The following DLG2 variants were observed in gnomAD, a reference collection of about 807,000 sequenced individuals.
DLG2 encodes disks large homolog 2.
DLG2 carries 45 observed loss-of-function variants against 132.5 expected under a neutral mutation model. That is an observed-to-expected ratio of 0.34 (90% CI 0.27 to 0.44). The LOEUF (loss-of-function observed/expected upper bound fraction) is 0.44, where lower values mean the gene tolerates loss of function less well. Among genes scored for constraint, DLG2 ranks in the 20% least tolerant of loss-of-function variants. The pLI is 1.00. For missense variants in DLG2, 1,045 were observed against 1,196.9 expected, an observed-to-expected ratio of 0.87 and a Z score of 1.87; for synonymous variants, 424 against 419.6, an observed-to-expected ratio of 1.01 and a Z score of -0.13.
intron 15 of DLG2, among the ~76,000 whole-genome samples, chr11:83,881,761 A>G (rs1012195578): frequency 1.3e-5 from 2 of 152,222 alleles, no homozygotes; most frequent in Non-Finnish European, 2.9e-5. Flanking sequence ...TGATTTGCAT[A>G]CTAACAAAGA....
chr11:83,808,716 T>C lies in DLG2; in HGVS notation c.1723-21924A>G, dbSNP rs117249550. ...TTTCCTGTTGCATTGTTTTCTCTTT[T>C]GTCAAACTCCTACCACCTGGAAAAG... On this transcript the variant is annotated intron_variant, in intron 17 of 27. Transcript: ENST00000376104. 1.1e-3 allele frequency among the ~76,000 whole-genome samples: 171 copies of C among 152,302 alleles called. 2 individuals carry two copies. The East Asian group carries it at 0.026, about 24-fold the overall frequency.
chr11:84,962,941 C>T (rs184839788), intron 6 of DLG2, among the ~76,000 whole-genome samples: 93 of 152,302 alleles, frequency 6.1e-4, no homozygotes, highest in Non-Finnish European at 1.2e-3. Context: ...AAGTTCTCAT[C>T]TTTAACAAAC....
At chr11:84,093,816 T>A (rs942374636) in intron 10 of DLG2, among the ~76,000 whole-genome samples, 1 of 151,982 alleles carries the variant, frequency 6.6e-6, no homozygotes, top group Non-Finnish European at 1.5e-5. Flanking sequence ...GGTTTTACCA[T>A]GTTGGCCAGG....
At chr11:84,989,945 C>G (rs1050272049) in intron 6 of DLG2, among the ~76,000 whole-genome samples, 1 of 152,084 alleles carries the variant, frequency 6.6e-6, no homozygotes, top group South Asian at 2.1e-4. Context: ...CTAAACCTAG[C>G]ATTAGGCAAA....
chr11:85,247,369 A>C (rs2076186994), intron 4 of DLG2, among the ~76,000 whole-genome samples: 1 of 152,014 alleles, frequency 6.6e-6, no homozygotes, highest in Non-Finnish European at 1.5e-5. Context: ...AGCGGGATTC[A>C]TTCATAGACC....
At chr11:83,843,244 A>G (rs1219050993) in intron 16 of DLG2, among the ~76,000 whole-genome samples, 3 of 152,136 alleles carry the variant, frequency 2.0e-5, no homozygotes, top group African/African-American at 7.2e-5. Context: ...GTCTTTGCCC[A>G]GGCTGTTTGC....
In DLG2 at chr11:85,029,574, T is replaced by C. The variant is rs595467; in HGVS notation, c.357+82087A>G. Reference sequence around the variant, plus strand: ...GAAAAGAGAGTAAAGCTATCAGTATTAGGCCCCTCCAATGTGTGGGGAACA... The same window carrying C: ...GAAAAGAGAGTAAAGCTATCAGTATCAGGCCCCTCCAATGTGTGGGGAACA... On this transcript the variant is annotated intron_variant, in intron 6 of 27. Transcript: ENST00000376104. Among the ~76,000 whole-genome samples, 116 of 152,332 alleles carry C rather than the reference T, an allele frequency of 7.6e-4. No individual in the cohort carries two copies. In the Middle Eastern group the frequency reaches 0.01, roughly 13 times the overall value.
intron 6 of DLG2, among the ~76,000 whole-genome samples, chr11:84,657,071 A>C (rs1940088): frequency 6.6e-6 from 1 of 152,088 alleles, no homozygotes; most frequent in South Asian, 2.1e-4. Flanking sequence ...AAGGATTAAG[A>C]ATCTTTCCTA....
At chr11:84,950,338 C>A (rs1207077026) in intron 6 of DLG2, among the ~76,000 whole-genome samples, 1 of 152,026 alleles carries the variant, frequency 6.6e-6, no homozygotes, top group African/African-American at 2.4e-5. Context: ...AAGCCCTAGT[C>A]AGAGCAAATA....
chr11:83,607,090 G>A (rs1380347437), intron 19 of DLG2, among the ~76,000 whole-genome samples: 1 of 152,198 alleles, frequency 6.6e-6, no homozygotes, highest in Non-Finnish European at 1.5e-5. Context: ...ACAGGAAAAG[G>A]AAAGTGACAT....
intron 3 of DLG2, among the ~76,000 whole-genome samples, chr11:85,521,069 G>A (rs2074270876): frequency 6.6e-6 from 1 of 152,204 alleles, no homozygotes; most frequent in African/African-American, 2.4e-5. Context: ...TAAACAAAGT[G>A]AAGAGACAAC....
At chr11:83,859,401 T>C (rs1239199940) in intron 16 of DLG2, among the ~76,000 whole-genome samples, 1 of 152,196 alleles carries the variant, frequency 6.6e-6, no homozygotes, top group East Asian at 1.9e-4. Flanking sequence ...AACGGGGAAC[T>C]TGTTGGGAAC....
chr11:83,810,253 C>G (rs1387106005), intron 17 of DLG2, among the ~76,000 whole-genome samples: 1 of 152,036 alleles, frequency 6.6e-6, no homozygotes, highest in Non-Finnish European at 1.5e-5. Context: ...CTTTCTCACA[C>G]CTATAAGTTC....
At chr11:84,343,866 A>G in intron 7 of DLG2, among the ~76,000 whole-genome samples, 1 of 152,146 alleles carries the variant, frequency 6.6e-6, no homozygotes, top group Non-Finnish European at 1.5e-5. Flanking sequence ...TTGTCTTGAA[A>G]TATTATTTCT....
intron 18 of DLG2, among the ~76,000 whole-genome samples, chr11:83,761,082 T>C (rs2093886098): frequency 6.6e-6 from 1 of 152,192 alleles, no homozygotes; most frequent in Admixed American, 6.5e-5. Flanking sequence ...GATCTGTGCC[T>C]GGGAAGCTGA....
At chr11:83,793,343 A>AT (rs1242700222) in intron 17 of DLG2, among the ~76,000 whole-genome samples, 5 of 152,012 alleles carry the variant, frequency 3.3e-5, no homozygotes, top group African/African-American at 1.2e-4. Context: ...TTTAGATTAT[A>AT]TTTTCTCTTC....
chr11:85,537,724 C>T (rs530497915), intron 3 of DLG2, among the ~76,000 whole-genome samples: 2 of 152,086 alleles, frequency 1.3e-5, no homozygotes, highest in African/African-American at 4.8e-5. Context: ...TGCAGCTTCA[C>T]TCCTGAAGTC....
In DLG2 at chr11:85,000,715, C is replaced by T. The variant is rs548506861; in HGVS notation, c.357+110946G>A. ...TTTGAAGATTTTTAACTTTCTTTTA[C>T]GTATTTCATCATTAACCATATTTAT... is the stretch of plus-strand genomic sequence containing the variant. On this transcript the variant is annotated intron_variant, in intron 6 of 27. Coordinates refer to ENST00000376104, the MANE Select transcript of DLG2 (RefSeq NM_001142699.3). Among the ~76,000 whole-genome samples, 10 of 152,274 alleles carry T rather than the reference C, an allele frequency of 6.6e-5. No homozygotes were observed. In the South Asian group the frequency reaches 1.5e-3, roughly 22 times the overall value.
At chr11:85,279,546 C>T (rs184918967) in intron 4 of DLG2, among the ~76,000 whole-genome samples, 25 of 152,178 alleles carry the variant, frequency 1.6e-4, no homozygotes, top group Admixed American at 1.6e-3. Flanking sequence ...CTTTCCTTGA[C>T]TGTGCCTTTT....
Sources: allele counts gnomAD v4.1 joint callset (sites outside exome capture counted in the v4.1 genomes callset), GRCh38; gene constraint gnomAD v4.1.1; transcripts MANE v1.5; gene names NCBI Gene and HGNC (gene_info 2026-07-23, HGNC 2026-07-21).